ENOX1: variants seen among roughly 807,000 people sequenced by gnomAD.
ENOX1 encodes the protein ecto-NOX disulfide-thiol exchanger 1, also known as candidate growth-related and time keeping constitutive hydroquinone (NADH) oxidase.
ENOX1 carries 42 observed loss-of-function variants against 82.5 expected under a neutral mutation model. The observed-to-expected ratio is 0.51, with a 90% CI of 0.40 to 0.66. The LOEUF (loss-of-function observed/expected upper bound fraction) is 0.66, where lower values mean the gene tolerates loss of function less well. ENOX1 is among the 30% of genes least tolerant of loss of function. The pLI, the probability that ENOX1 is intolerant of heterozygous loss-of-function variation, is 0.00. For missense variants in ENOX1, 608 were observed against 811.6 expected (o/e 0.75, Z 3.05); for synonymous variants, 271 against 282.2 (o/e 0.96, Z 0.40).
intron 9 of ENOX1, among the ~76,000 whole-genome samples, chr13:43,329,596 C>T (rs1008027842): frequency 1.3e-5 from 2 of 152,180 alleles, no homozygotes; most frequent in Non-Finnish European, 2.9e-5. Flanking sequence ...ATATGGCCAA[C>T]ATTTTCTGGG....
intron 1 of ENOX1, among the ~76,000 whole-genome samples, chr13:43,737,142 T>A (rs1287747911): frequency 6.6e-6 from 1 of 152,242 alleles, no homozygotes; most frequent in Non-Finnish European, 1.5e-5. Flanking sequence ...AAATCAAGTA[T>A]AACCTCTAAA....
chr13:43,698,933 AC>A (rs2086777037), intron 1 of ENOX1, among the ~76,000 whole-genome samples: 1 of 152,200 alleles, frequency 6.6e-6, no homozygotes. Flanking sequence ...AAACAATTTC[AC>A]AGTTTAAAAA....
intron 3 of ENOX1, among the ~76,000 whole-genome samples, chr13:43,448,307 T>G (rs1202789316): frequency 5.3e-5 from 8 of 152,240 alleles, no homozygotes; most frequent in African/African-American, 1.9e-4. Context: ...CTCATTACCA[T>G]TGTACCTAAA....
chr13:43,662,167 T>G (rs904786240), intron 2 of ENOX1, among the ~76,000 whole-genome samples: 9 of 152,206 alleles, frequency 5.9e-5, no homozygotes, highest in Admixed American at 2.6e-4. Context: ...TTATTCCTGT[T>G]CATATTACTT....
At chr13:43,513,642 T>G (rs1434119950) in intron 2 of ENOX1, among the ~76,000 whole-genome samples, 2 of 152,174 alleles carry the variant, frequency 1.3e-5, no homozygotes. Context: ...CAAGGAAATT[T>G]TTAGTTTTTT....
At chr13:43,769,447 C>T (rs928755964) in intron 1 of ENOX1, among the ~76,000 whole-genome samples, 1 of 151,970 alleles carries the variant, frequency 6.6e-6, no homozygotes, top group African/African-American at 2.4e-5. Context: ...AATTCAACTG[C>T]AAGAATTTCA....
intron 3 of ENOX1, among the ~76,000 whole-genome samples, chr13:43,458,171 T>C (rs1464905689): frequency 6.6e-6 from 1 of 152,208 alleles, no homozygotes; most frequent in Non-Finnish European, 1.5e-5. Flanking sequence ...CATCATCATA[T>C]CTTTGAGCTT....
chr13:43,479,996 C>T (rs1221497266), intron 3 of ENOX1, among the ~76,000 whole-genome samples: 8 of 151,302 alleles, frequency 5.3e-5, no homozygotes, highest in Non-Finnish European at 1.0e-4. Context: ...AGTGCAATGG[C>T]GTGATCTTGG....
At chr13:43,252,816 G>A (rs948459508) in intron 14 of ENOX1, among the ~76,000 whole-genome samples, 2 of 152,154 alleles carry the variant, frequency 1.3e-5, no homozygotes, top group Admixed American at 6.5e-5. Context: ...GAGGGAAGGT[G>A]TAGCTGCATT....
At position 43,434,945 on chromosome 13, in the gene ENOX1, T is replaced by G. The variant is rs940635405; in HGVS notation, c.-74-21957A>C. ...ATTATTGTGTGTGTGTGGTTTTTTT[T>G]TTTTTTTTTTTTTTTTTGTATATCT... On this transcript the variant is annotated intron_variant, in intron 3 of 16. Transcript: ENST00000690772. 7.1e-4 allele frequency among the ~76,000 whole-genome samples: 96 copies of G among 134,290 alleles called. 1 individual carries two copies. The East Asian group carries it at 9.3e-3, about 13-fold the overall frequency. 88.1% of individuals were successfully genotyped at this position (134,290 alleles called of 152,430 possible).
Position 43,502,663 on chromosome 13 carries a change from C to CATAA in ENOX1, c.-218-18515_-218-18512dup, listed in dbSNP as rs2077021360. The stretch of plus-strand genomic sequence containing the variant: ...CACTTTATAAAATTAAACACGCTTT[C>CATAA]ATAATAAAAACTTAACAAATTAGGT... On this transcript the variant is annotated intron_variant, in intron 2 of 16. Transcript: ENST00000690772. Among the ~76,000 whole-genome samples, 3 of 151,528 alleles carry CATAA rather than the reference C, an allele frequency of 2.0e-5. No homozygotes were observed. In the South Asian group the frequency reaches 6.2e-4, roughly 31 times the overall value.
intron 1 of ENOX1, among the ~76,000 whole-genome samples, chr13:43,720,197 C>T (rs891691502): frequency 1.3e-5 from 2 of 152,116 alleles, no homozygotes; most frequent in Non-Finnish European, 2.9e-5. Context: ...AATAAGAAAG[C>T]AATGATCTTA....
chr13:43,503,341 T>C (rs2077044516), intron 2 of ENOX1, among the ~76,000 whole-genome samples: 2 of 151,806 alleles, frequency 1.3e-5, no homozygotes, highest in Admixed American at 1.3e-4. Flanking sequence ...ATGAAACCTC[T>C]ATCAGAATCC....
At chr13:43,219,053 GTGAAGTTTACCC>G (rs1334336756) in intron 16 of ENOX1, among the ~76,000 whole-genome samples, 1 of 152,114 alleles carries the variant, frequency 6.6e-6, no homozygotes, top group African/African-American at 2.4e-5. Context: ...TGAGCTCTGA[GTGAAGTTTACCC>G]CTTTCCTCAT....
At chr13:43,621,642 C>A (rs1292273029) in intron 2 of ENOX1, among the ~76,000 whole-genome samples, 4 of 152,130 alleles carry the variant, frequency 2.6e-5, no homozygotes, top group Non-Finnish European at 5.9e-5. Flanking sequence ...GATAGGTTTT[C>A]CTTTATAGGT....
chr13:43,319,112 A>G (rs2047671441), intron 11 of ENOX1, among the ~76,000 whole-genome samples: 1 of 152,216 alleles, frequency 6.6e-6, no homozygotes, highest in Non-Finnish European at 1.5e-5. Flanking sequence ...TAGGAGGCAG[A>G]CTAAACAACA....
chr13:43,668,368 C>G (rs115336255), intron 1 of ENOX1, among the ~76,000 whole-genome samples: 1 of 152,164 alleles, frequency 6.6e-6, no homozygotes, highest in South Asian at 2.1e-4. Context: ...CCCCGAACTT[C>G]AAGACCATCC....
chr13:43,294,570 C>T (rs1268174252), intron 12 of ENOX1, among the ~76,000 whole-genome samples: 1 of 152,096 alleles, frequency 6.6e-6, no homozygotes, highest in Non-Finnish European at 1.5e-5. Flanking sequence ...AAGAGTTTGG[C>T]GGTTTCTCTG....
chr13:43,436,051 G>A (rs530787781), intron 3 of ENOX1, among the ~76,000 whole-genome samples: 137 of 152,248 alleles, frequency 9.0e-4, no homozygotes, highest in African/African-American at 3.2e-3. Flanking sequence ...CTGCTGAAAG[G>A]ACATAGCTGC....
Sources: allele counts gnomAD v4.1 joint callset (sites outside exome capture counted in the v4.1 genomes callset), GRCh38; gene constraint gnomAD v4.1.1; transcripts MANE v1.5; gene names NCBI Gene and HGNC (gene_info 2026-07-23, HGNC 2026-07-21).